Variants in INPP4B observed in about 807,000 individuals in gnomAD.
INPP4B encodes the protein inositol polyphosphate-4-phosphatase type II B.
In INPP4B, 55 loss-of-function variants were observed where a neutral mutation model predicts 122.5. The ratio of observed to expected loss-of-function variants is 0.45; its 90% CI spans 0.36 to 0.56. The LOEUF is 0.56. Ranked by LOEUF, INPP4B falls within the 20% of genes least tolerant of loss-of-function variation. The pLI, the probability that INPP4B is intolerant of heterozygous loss-of-function variation, is 0.00. For synonymous variants in INPP4B, 403 were observed against 388.7 expected (o/e 1.04, Z -0.43); for missense variants, 1,000 against 1,097.7 (o/e 0.91, Z 1.26).
intron 22 of INPP4B, among the ~76,000 whole-genome samples, chr4:142,108,988 C>G (rs1304698240): frequency 6.6e-6 from 1 of 152,128 alleles, no homozygotes; most frequent in Non-Finnish European, 1.5e-5. Flanking sequence ...TAACCCAAAA[C>G]TAAAACTGCT....
chr4:142,828,573 A>G (rs1350806846), intron 1 of INPP4B, among the ~76,000 whole-genome samples: 1 of 152,212 alleles, frequency 6.6e-6, no homozygotes, highest in African/African-American at 2.4e-5. Flanking sequence ...TCCTTGTTGG[A>G]GAAAAAGTTC....
intron 2 of INPP4B, among the ~76,000 whole-genome samples, chr4:142,679,541 C>G (rs971826139): frequency 4.6e-5 from 7 of 151,710 alleles, no homozygotes; most frequent in Non-Finnish European, 8.8e-5. Flanking sequence ...GTAAAGCATG[C>G]ATTCCAATAT....
chr4:142,112,362 G>A (rs1298020133), intron 22 of INPP4B, among the ~76,000 whole-genome samples, 180 bp downstream of exon 22: 1 of 151,994 alleles, frequency 6.6e-6, no homozygotes, highest in East Asian at 1.9e-4. Flanking sequence ...ATTTGGCTTG[G>A]GCCAGGATTC....
intron 8 of INPP4B, among the ~76,000 whole-genome samples, chr4:142,312,851 T>G (rs1424249370): frequency 2.0e-5 from 3 of 152,128 alleles, no homozygotes; most frequent in African/African-American, 7.2e-5. Context: ...AGCAAATCAG[T>G]ATCTGCCACA....
intron 2 of INPP4B, among the ~76,000 whole-genome samples, chr4:142,503,038 G>A (rs1361947379): frequency 3.3e-5 from 5 of 152,134 alleles, no homozygotes; most frequent in Middle Eastern, 3.2e-3. Flanking sequence ...TGAGAGACAA[G>A]CCTGGCAACA....
At chr4:142,725,952 C>T (rs978502546) in intron 1 of INPP4B, 51 bp from the exon 2 acceptor site, 1 of 396,826 alleles carries the variant, frequency 2.5e-6, no homozygotes, top group Non-Finnish European at 4.4e-6. Flanking sequence ...CTTTTTTCCT[C>T]TTTAAATGCT....
chr4:142,602,630 T>A (rs1238492324), intron 2 of INPP4B, among the ~76,000 whole-genome samples: 1 of 152,130 alleles, frequency 6.6e-6, no homozygotes, highest in African/African-American at 2.4e-5. Context: ...ACATCACTGA[T>A]CATTAGAAAA....
intron 23 of INPP4B, among the ~76,000 whole-genome samples, chr4:142,096,857 C>T (rs1782036870): frequency 6.6e-6 from 1 of 152,064 alleles, no homozygotes; most frequent in African/African-American, 2.4e-5. Flanking sequence ...GGAGCAGCAG[C>T]ATATAAATTA....
At chr4:142,668,673 C>G (rs976799377) in intron 2 of INPP4B, among the ~76,000 whole-genome samples, 1 of 152,038 alleles carries the variant, frequency 6.6e-6, no homozygotes, top group African/African-American at 2.4e-5. Flanking sequence ...AATCTACATA[C>G]AAAAATTAGT....
chr4:142,433,053 G>C (rs1176890457), intron 3 of INPP4B, among the ~76,000 whole-genome samples: 1 of 152,100 alleles, frequency 6.6e-6, no homozygotes, highest in Admixed American at 6.6e-5. Flanking sequence ...CAATTTTAGA[G>C]AGAATGAAGT....
intron 2 of INPP4B, among the ~76,000 whole-genome samples, chr4:142,622,523 T>C (rs960128122): frequency 2.0e-5 from 3 of 151,840 alleles, no homozygotes; most frequent in African/African-American, 4.8e-5. Context: ...TCTAAATGAA[T>C]AGCCTTAATG....
At chr4:142,209,106 GATA>G (rs1843767598) in intron 12 of INPP4B, 80 bp from the exon 13 acceptor site, 1 of 974,870 alleles carries the variant, frequency 1.0e-6, no homozygotes, top group Non-Finnish European at 1.4e-6. Flanking sequence ...GAGTTGTCAA[GATA>G]ATAAGAAATT....
rs532720912 is a variant in INPP4B at position 142,135,934 on chromosome 4, C to T, written c.1720+9906G>A. Among the ~76,000 whole-genome samples, 3 of 152,122 alleles carry T rather than the reference C, an allele frequency of 2.0e-5. No homozygotes were observed. In the South Asian group the frequency reaches 6.2e-4, roughly 32 times the overall value. The stretch of plus-strand genomic sequence containing the variant: ...GCCTCAGCCTCCTGAGTATCTGGGA[C>T]TACAGGTGCCTGCCACCATGCCTGG... On this transcript the variant is annotated intron_variant, in intron 18 of 25. Coordinates refer to ENST00000262992, the MANE Select transcript of INPP4B (RefSeq NM_001101669.3).
intron 25 of INPP4B, among the ~76,000 whole-genome samples, chr4:142,040,385 T>C (rs1163044348): frequency 1.3e-5 from 2 of 152,068 alleles, no homozygotes; most frequent in Non-Finnish European, 2.9e-5. Context: ...GTATAGGAAA[T>C]GGGCACATCA....
At chr4:142,777,838 C>T (rs1000432257) in intron 1 of INPP4B, among the ~76,000 whole-genome samples, 1 of 152,166 alleles carries the variant, frequency 6.6e-6, no homozygotes, top group African/African-American at 2.4e-5. Flanking sequence ...AGAGTTTTCA[C>T]AGTGTGTCTT....
At chr4:142,146,097 T>A in intron 17 of INPP4B, 101 bp from the exon 18 acceptor site, 2 of 1,297,116 alleles carry the variant, frequency 1.5e-6, no homozygotes, top group Non-Finnish European at 2.1e-6. Flanking sequence ...AGGGTAGTCA[T>A]TAGAATGCAG....
intron 2 of INPP4B, among the ~76,000 whole-genome samples, chr4:142,689,620 A>G (rs1392050388): frequency 6.6e-6 from 1 of 152,200 alleles, no homozygotes; most frequent in African/African-American, 2.4e-5. Flanking sequence ...TTGAAGAGCT[A>G]GTGGTATTTC....
intron 2 of INPP4B, among the ~76,000 whole-genome samples, chr4:142,659,303 T>G (rs1203493934): frequency 6.6e-6 from 1 of 150,722 alleles, no homozygotes; most frequent in Non-Finnish European, 1.5e-5. Context: ...CTACCCCGGA[T>G]GCTGAGGCAG....
intron 23 of INPP4B, 49 bp downstream of exon 23, chr4:142,108,044 T>G (rs1788040798): frequency 2.1e-6 from 2 of 973,636 alleles, no homozygotes; most frequent in Non-Finnish European, 1.6e-6. Context: ...TTCTAAAGAT[T>G]TATAATCAAG....
Sources: allele counts gnomAD v4.1 joint callset (sites outside exome capture counted in the v4.1 genomes callset), GRCh38; gene constraint gnomAD v4.1.1; transcripts MANE v1.5; gene names NCBI Gene and HGNC (gene_info 2026-07-23, HGNC 2026-07-21).